KCNJ6: variants seen among roughly 807,000 people sequenced by gnomAD.
The protein encoded by KCNJ6 is G protein-activated inward rectifier potassium channel 2.
KCNJ6 carries 9 observed loss-of-function variants against 34.2 expected under a neutral mutation model. The ratio of observed to expected loss-of-function variants is 0.26; its 90% CI spans 0.16 to 0.46. The LOEUF (loss-of-function observed/expected upper bound fraction) is 0.46. Ranked by LOEUF, KCNJ6 falls within the 20% of genes least tolerant of loss-of-function variation. The probability of loss-of-function intolerance (pLI) is 1.00; values close to 1 mark genes in which losing one functional copy is unlikely to be tolerated. For missense variants in KCNJ6, 236 were observed against 531.3 expected, an observed-to-expected ratio of 0.44 and a Z score of 5.46; for synonymous variants, 196 against 207.1, an observed-to-expected ratio of 0.95 and a Z score of 0.46.
At chr21:37,667,154 TAAAAAAA>T (rs55953891) in intron 3 of KCNJ6, among the ~76,000 whole-genome samples, 25 of 39,096 alleles carry the variant, frequency 6.4e-4, no homozygotes, top group South Asian at 1.5e-3. Flanking sequence ...CAATAAATAC[TAAAAAAA>T]AAAAAAAAAA....
chr21:37,689,779 T>G (rs903702530), intron 3 of KCNJ6, among the ~76,000 whole-genome samples: 1 of 151,676 alleles, frequency 6.6e-6, no homozygotes, highest in Non-Finnish European at 1.5e-5. Context: ...CATGAAGTAT[T>G]GGGAGATGAG....
chr21:37,787,339 A>AG (rs1383150282), intron 2 of KCNJ6, among the ~76,000 whole-genome samples: 1 of 152,174 alleles, frequency 6.6e-6, no homozygotes, highest in Non-Finnish European at 1.5e-5. Flanking sequence ...ATGTTCCTCA[A>AG]GGAGCTCTAC....
At chr21:37,773,644 T>G (rs1054995856) in intron 2 of KCNJ6, among the ~76,000 whole-genome samples, 2 of 152,170 alleles carry the variant, frequency 1.3e-5, no homozygotes, top group South Asian at 2.1e-4. Context: ...TTTGACATGT[T>G]GCACGTTAAA....
chr21:37,864,942 T>C (rs2055614868), intron 1 of KCNJ6, among the ~76,000 whole-genome samples: 1 of 151,268 alleles, frequency 6.6e-6, no homozygotes, highest in Non-Finnish European at 1.5e-5. Flanking sequence ...GGGGCTCAAG[T>C]GATCCTCTTG....
intron 1 of KCNJ6, among the ~76,000 whole-genome samples, chr21:37,890,629 G>A (rs926887964): frequency 1.3e-5 from 2 of 152,184 alleles, no homozygotes; most frequent in Non-Finnish European, 2.9e-5. Flanking sequence ...CCTTCTATGT[G>A]TGAAACACAT....
At chr21:37,779,551 TA>T (rs1396339407) in intron 2 of KCNJ6, among the ~76,000 whole-genome samples, 1 of 152,170 alleles carries the variant, frequency 6.6e-6, no homozygotes, top group African/African-American at 2.4e-5. Context: ...TTTAGAAATT[TA>T]GTGCTCATTT....
At chr21:37,823,813 G>GT (rs200709039) in intron 2 of KCNJ6, among the ~76,000 whole-genome samples, 3,621 of 152,254 alleles carry the variant, frequency 0.024, 144 homozygotes, top group African/African-American at 0.082. Flanking sequence ...TAGAATGGTG[G>GT]TTCCCAGAGG....
intron 3 of KCNJ6, among the ~76,000 whole-genome samples, chr21:37,705,516 T>C (rs2054714980): frequency 6.6e-6 from 1 of 152,242 alleles, no homozygotes; most frequent in African/African-American, 2.4e-5. Flanking sequence ...CACAGAATCA[T>C]AGTGTCACTC....
At chr21:37,874,220 G>A (rs1476244347) in intron 1 of KCNJ6, among the ~76,000 whole-genome samples, 1 of 152,194 alleles carries the variant, frequency 6.6e-6, no homozygotes, top group Admixed American at 6.5e-5. Flanking sequence ...TCAGCCGCAG[G>A]CCACACCTGA....
At chr21:37,893,620 G>A (rs1336276892) in intron 1 of KCNJ6, among the ~76,000 whole-genome samples, 1 of 151,610 alleles carries the variant, frequency 6.6e-6, no homozygotes, top group Non-Finnish European at 1.5e-5. Flanking sequence ...TCTCACCTAC[G>A]GCTGGAGAAG....
In KCNJ6 at chr21:37,609,289, G is replaced by T. The variant is rs1352625892; in HGVS notation, c.*15870C>A. 1 of 152,132 alleles carries T rather than the reference G, an allele frequency of 6.6e-6. No individual in the cohort carries two copies. The highest frequency in any genetic ancestry group is 1.5e-5 in the Non-Finnish European group (1 of 68,024). The allele number at this position is 152,132 out of a possible 1,614,324, so 9.4% of individuals were successfully genotyped here. On this transcript the variant is annotated 3_prime_UTR_variant, in exon 4 of 4. Coordinates refer to ENST00000609713, the MANE Select transcript of KCNJ6 (RefSeq NM_002240.5). ...TGCTTAACTAGTTCTTGAAAATTCT[G>T]TGTGATGGTGAGAATAAGAAGTTCC...
At chr21:37,775,358 G>A (rs1278645129) in intron 2 of KCNJ6, among the ~76,000 whole-genome samples, 3 of 152,152 alleles carry the variant, frequency 2.0e-5, no homozygotes, top group Non-Finnish European at 4.4e-5. Context: ...AGTTTAATTA[G>A]AACCCATTTG....
chr21:37,725,264 G>A (rs554145475), intron 2 of KCNJ6, among the ~76,000 whole-genome samples: 5 of 152,254 alleles, frequency 3.3e-5, no homozygotes, highest in East Asian at 3.9e-4. Flanking sequence ...ATGGTGGTGC[G>A]TGCTGGTAAT....
intron 2 of KCNJ6, among the ~76,000 whole-genome samples, chr21:37,731,987 G>C (rs1034625600): frequency 2.6e-5 from 4 of 152,232 alleles, no homozygotes; most frequent in African/African-American, 9.6e-5. Context: ...TGCAGGGACA[G>C]AGGGTGATGA....
At chr21:37,735,425 T>A (rs2123471532) in intron 2 of KCNJ6, among the ~76,000 whole-genome samples, 1 of 152,278 alleles carries the variant, frequency 6.6e-6, no homozygotes, top group Non-Finnish European at 1.5e-5. Context: ...GCGGTGCTGC[T>A]CCTCCAGCTG....
chr21:37,668,312 C>A (rs1404222583), intron 3 of KCNJ6, among the ~76,000 whole-genome samples: 1 of 152,136 alleles, frequency 6.6e-6, no homozygotes, highest in East Asian at 1.9e-4. Flanking sequence ...CCTGTAGGAG[C>A]TCCCCAGAAC....
At chr21:37,877,099 A>G (rs1212717287) in intron 1 of KCNJ6, among the ~76,000 whole-genome samples, 1 of 152,190 alleles carries the variant, frequency 6.6e-6, no homozygotes. Context: ...TTGAAACACT[A>G]TTTGCATGTG....
At chr21:37,630,158 G>GTGTGTGTGT (rs1556010880) in intron 3 of KCNJ6, among the ~76,000 whole-genome samples, 5 of 145,820 alleles carry the variant, frequency 3.4e-5, no homozygotes, top group East Asian at 2.0e-4. Flanking sequence ...GTGTGTGTGT[G>GTGTGTGTGT]GTGTTTATGT....
chr21:37,844,146 C>G (rs979869689), intron 1 of KCNJ6, among the ~76,000 whole-genome samples: 14 of 151,866 alleles, frequency 9.2e-5, no homozygotes, highest in African/African-American at 3.4e-4. Flanking sequence ...ACAACCTCCG[C>G]CTCCCGGGTT....
Sources: gnomAD v4.1 joint callset for allele counts (sites outside exome capture counted in the v4.1 genomes callset) on GRCh38, gnomAD v4.1.1 for gene constraint, MANE v1.5 for transcripts, NCBI Gene and HGNC (gene_info 2026-07-23, HGNC 2026-07-21) for gene names.